LMBR1: variants seen among roughly 807,000 people sequenced by gnomAD.
LMBR1 encodes limb development membrane protein 1.
In LMBR1, 52 loss-of-function variants were observed where a neutral mutation model predicts 73.9. That is an observed-to-expected ratio of 0.70 (90% confidence interval 0.56 to 0.89). LMBR1 has a LOEUF of 0.89. Among genes scored for constraint, LMBR1 ranks in the 40% least tolerant of loss-of-function variants. The probability of loss-of-function intolerance (pLI) is 0.00; values close to 1 mark genes in which losing one functional copy is unlikely to be tolerated. For missense variants in LMBR1, 539 were observed against 579.8 expected, an observed-to-expected ratio of 0.93 and a Z score of 0.72; for synonymous variants, 215 against 209.4, an observed-to-expected ratio of 1.03 and a Z score of -0.23.
At chr7:156,764,647 T>C (rs1823754410) in intron 5 of LMBR1, among the ~76,000 whole-genome samples, 1 of 152,234 alleles carries the variant, frequency 6.6e-6, no homozygotes, top group Non-Finnish European at 1.5e-5. Context: ...ACATCCATAT[T>C]TCTCAATAAA....
chr7:156,688,091 T>C lies in LMBR1; in HGVS notation c.1326A>G (p.Thr442=), dbSNP rs1417777451. Residue 442 remains threonine, a synonymous_variant, in exon 16 of 17, where the codon ACA becomes ACG. Transcript: ENST00000353442. ...TGAATTTTCGGACCAGACACAATGT[T>C]GTCACAATAGCAAAAAGCAAATTGT... ...LSYNLLFAIV[T]TLCLVRKFTS... is the part of the protein sequence containing the mutation. 6.2e-7 allele frequency: 1 copy of C among 1,613,196 alleles called. No individual in the cohort carries two copies. The highest frequency in any genetic ancestry group is 8.5e-7 in the Non-Finnish European group (1 of 1,179,788).
chr7:156,831,725 A>G (rs766079673), intron 3 of LMBR1, among the ~76,000 whole-genome samples: 2 of 152,236 alleles, frequency 1.3e-5, no homozygotes, highest in African/African-American at 2.4e-5. Flanking sequence ...GGCATCTACC[A>G]TAAGGAAACA....
intron 15 of LMBR1, among the ~76,000 whole-genome samples, chr7:156,700,786 G>C (rs749675759): frequency 6.6e-5 from 10 of 152,042 alleles, no homozygotes; most frequent in Admixed American, 6.5e-5. Flanking sequence ...CATATTTTCA[G>C]GTATCTTTTC....
At chr7:156,813,904 T>C (rs1833499497) in intron 4 of LMBR1, among the ~76,000 whole-genome samples, 5 of 152,278 alleles carry the variant, frequency 3.3e-5, no homozygotes, top group South Asian at 2.1e-4. Context: ...AGACAAAGAA[T>C]TGTTTTAGAC....
At chr7:156,818,189 G>C (rs948945343) in intron 4 of LMBR1, among the ~76,000 whole-genome samples, 1 of 152,074 alleles carries the variant, frequency 6.6e-6, no homozygotes, top group Non-Finnish European at 1.5e-5. Context: ...CTAAAAGTCT[G>C]GTTTTTTGGA....
At chr7:156,864,276 A>C (rs1247075042) in intron 1 of LMBR1, among the ~76,000 whole-genome samples, 1 of 152,250 alleles carries the variant, frequency 6.6e-6, no homozygotes, top group Non-Finnish European at 1.5e-5. Context: ...TCTTGTTCAT[A>C]AACATAATTA....
At chr7:156,829,171 A>C (rs1836224799) in intron 3 of LMBR1, among the ~76,000 whole-genome samples, 2 of 152,374 alleles carry the variant, frequency 1.3e-5, no homozygotes, top group South Asian at 4.1e-4. Context: ...GTGTGCTCTC[A>C]TGGCGACTGG....
At chr7:156,732,477 T>A (rs1373655245) in intron 10 of LMBR1, among the ~76,000 whole-genome samples, 1 of 152,086 alleles carries the variant, frequency 6.6e-6, no homozygotes, top group Non-Finnish European at 1.5e-5. Flanking sequence ...ACTCCAAGGA[T>A]CTGCAAAGAG....
At chr7:156,737,146 T>C (rs1005635874) in intron 9 of LMBR1, among the ~76,000 whole-genome samples, 1 of 152,178 alleles carries the variant, frequency 6.6e-6, no homozygotes, top group African/African-American at 2.4e-5. Flanking sequence ...AAAAGGTGAA[T>C]GTGAGGTAAA....
At chr7:156,711,280 C>A (rs983202124) in intron 15 of LMBR1, among the ~76,000 whole-genome samples, 2 of 152,126 alleles carry the variant, frequency 1.3e-5, no homozygotes, top group Non-Finnish European at 2.9e-5. Context: ...CACTGCACTC[C>A]AGCCTGGGCG....
At chr7:156,802,612 T>C (rs539072958) in intron 4 of LMBR1, among the ~76,000 whole-genome samples, 1 of 152,338 alleles carries the variant, frequency 6.6e-6, no homozygotes, top group South Asian at 2.1e-4. Context: ...TTAACAGCTT[T>C]ATTGAACTAC....
intron 9 of LMBR1, among the ~76,000 whole-genome samples, chr7:156,751,279 T>G (rs891145178): frequency 6.6e-6 from 1 of 151,986 alleles, no homozygotes; most frequent in African/African-American, 2.4e-5. Context: ...ACAATCGATA[T>G]CCACAAGGCT....
chr7:156,735,247 G>A (rs902336592), intron 9 of LMBR1, among the ~76,000 whole-genome samples: 1 of 152,124 alleles, frequency 6.6e-6, no homozygotes, highest in African/African-American at 2.4e-5. Context: ...TCTATCAATA[G>A]CTTTGAAAGT....
At chr7:156,856,507 G>T (rs1475472909) in intron 1 of LMBR1, among the ~76,000 whole-genome samples, 5 of 151,974 alleles carry the variant, frequency 3.3e-5, no homozygotes, top group Non-Finnish European at 5.9e-5. Context: ...GATCACTTGG[G>T]CCCAGGAGAT....
chr7:156,675,241 G>C (rs1803583238), downstream of LMBR1, among the ~76,000 whole-genome samples: 1 of 152,182 alleles, frequency 6.6e-6, no homozygotes, highest in East Asian at 1.9e-4. Context: ...CAGGACAAGG[G>C]GTGAGCTGAG....
chr7:156,857,359 C>T (rs1797115378), intron 1 of LMBR1, among the ~76,000 whole-genome samples: 2 of 152,096 alleles, frequency 1.3e-5, no homozygotes, highest in Admixed American at 1.3e-4. Context: ...AGGCAGACTT[C>T]AGAGCAAAGA....
chr7:156,676,593 C>T, downstream of LMBR1: 2 of 1,614,204 alleles, frequency 1.2e-6, no homozygotes, highest in South Asian at 1.1e-5. Flanking sequence ...GGGAGACAGG[C>T]CTCCTTTCCA....
At chr7:156,874,438 A>G (rs938792799) in intron 1 of LMBR1, among the ~76,000 whole-genome samples, 1 of 152,200 alleles carries the variant, frequency 6.6e-6, no homozygotes, top group Admixed American at 6.5e-5. Context: ...GCCCACCCAG[A>G]AAGGGGCTCC....
At chr7:156,865,296 G>C (rs1798297656) in intron 1 of LMBR1, among the ~76,000 whole-genome samples, 1 of 151,820 alleles carries the variant, frequency 6.6e-6, no homozygotes, top group Non-Finnish European at 1.5e-5. Context: ...GACAAAGTGA[G>C]ACCTTATCTC....
Sources: allele counts gnomAD v4.1 joint callset (sites outside exome capture counted in the v4.1 genomes callset), GRCh38; gene constraint gnomAD v4.1.1; transcripts MANE v1.5; gene names NCBI Gene and HGNC (gene_info 2026-07-23, HGNC 2026-07-21).